The following NCAM1 variants were observed in gnomAD, a reference collection of about 807,000 sequenced individuals.
NCAM1 encodes antigen recognized by monoclonal antibody 5.1H11.
In NCAM1, 14 loss-of-function variants were observed where a neutral mutation model predicts 109.8. The ratio of observed to expected loss-of-function variants is 0.13; its 90% confidence interval spans 0.08 to 0.20. The LOEUF is 0.20. Among genes scored for constraint, NCAM1 ranks in the 10% least tolerant of loss-of-function variants. The pLI, the probability that NCAM1 is intolerant of heterozygous loss-of-function variation, is 1.00. For missense variants in NCAM1, 774 were observed against 1,109.9 expected (o/e 0.70, Z 4.30); for synonymous variants, 418 against 442.9 (o/e 0.94, Z 0.70).
At chr11:113,201,741 G>GACTA (rs1316497719) in intron 1 of NCAM1, among the ~76,000 whole-genome samples, 1 of 152,224 alleles carries the variant, frequency 6.6e-6, no homozygotes, top group Non-Finnish European at 1.5e-5. Flanking sequence ...AAGGGTGTCT[G>GACTA]ACTAATTGGG....
chr11:113,269,574 T>C (rs1946220197), intron 17 of NCAM1: 1 of 153,596 alleles, frequency 6.5e-6, no homozygotes, highest in South Asian at 2.0e-4. Flanking sequence ...GCTTCACTTG[T>C]CTTCCTGGGG....
intron 1 of NCAM1, among the ~76,000 whole-genome samples, chr11:113,105,492 C>A (rs1241780761): frequency 6.6e-6 from 1 of 152,096 alleles, no homozygotes; most frequent in Non-Finnish European, 1.5e-5. Flanking sequence ...CTCACAGTAG[C>A]TGAGAAATGG....
intron 1 of NCAM1, among the ~76,000 whole-genome samples, chr11:113,192,240 A>T (rs1402541976): frequency 1.3e-5 from 2 of 151,648 alleles, no homozygotes; most frequent in African/African-American, 4.8e-5. Flanking sequence ...GATAGTGTAC[A>T]GCCATTTACT....
intron 9 of NCAM1, among the ~76,000 whole-genome samples, chr11:113,226,202 GAC>G (rs1483426361): frequency 6.6e-6 from 1 of 152,122 alleles, no homozygotes; most frequent in African/African-American, 2.4e-5. Context: ...CACGTGCAGA[GAC>G]ACACAGGCTC....
intron 15 of NCAM1, among the ~76,000 whole-genome samples, chr11:113,254,152 C>T (rs1045818673): frequency 5.3e-5 from 8 of 152,088 alleles, no homozygotes; most frequent in Admixed American, 2.0e-4. Context: ...TGGGACAGTC[C>T]GAAGGAATTT....
intron 1 of NCAM1, among the ~76,000 whole-genome samples, chr11:113,009,666 T>G (rs73004616): frequency 0.14 from 20,710 of 152,082 alleles, 1,455 homozygotes; most frequent in African/African-American, 0.15. Context: ...ATCTCTAAAC[T>G]CCACTCACAG....
At chr11:113,077,262 G>C (rs781953770) in intron 1 of NCAM1, among the ~76,000 whole-genome samples, 1 of 152,170 alleles carries the variant, frequency 6.6e-6, no homozygotes, top group African/African-American at 2.4e-5. Context: ...AGTTTTCCAA[G>C]GGAGTCCGTC....
chr11:113,249,290 A>G (rs1457564325), intron 15 of NCAM1, among the ~76,000 whole-genome samples: 3 of 152,186 alleles, frequency 2.0e-5, no homozygotes, highest in Non-Finnish European at 2.9e-5. Flanking sequence ...GCAGGTCGAC[A>G]CAGACTTTTC....
At chr11:113,214,232 C>T (rs1355333865) in intron 7 of NCAM1, 137 bp from the exon 8 acceptor site, 4 of 805,734 alleles carry the variant, frequency 5.0e-6, no homozygotes, top group East Asian at 5.3e-5. Context: ...AGAGTCAGGT[C>T]TGCATCTCCT....
chr11:113,034,744 T>C (rs1036346291), intron 1 of NCAM1, among the ~76,000 whole-genome samples: 2 of 152,186 alleles, frequency 1.3e-5, no homozygotes, highest in Non-Finnish European at 1.5e-5. Flanking sequence ...AAATAGCTTG[T>C]GGTTTATAAA....
At chr11:113,271,968 A>G in intron 19 of NCAM1, 92 bp downstream of exon 19, 1 of 885,094 alleles carries the variant, frequency 1.1e-6, no homozygotes, top group Non-Finnish European at 1.6e-6. Flanking sequence ...CCCTACCCAC[A>G]GCTCCCGGCC....
Position 113,225,268 on chromosome 11 carries a change from G to A in NCAM1, c.1089+3943G>A, listed in dbSNP as rs556151322. 6.6e-5 allele frequency among the ~76,000 whole-genome samples: 10 copies of A among 152,306 alleles called. No homozygotes were observed. The South Asian group carries it at 8.3e-4, about 13-fold the overall frequency. On this transcript the variant is annotated intron_variant, in intron 9 of 19. Transcript: ENST00000316851. ...CTGATGGAGCTGAAAACCACGGCAC[G>A]AGAACTACATGATGAATGCACAAGC...
At chr11:113,185,038 A>G (rs1381001590) in intron 1 of NCAM1, among the ~76,000 whole-genome samples, 1 of 145,854 alleles carries the variant, frequency 6.9e-6, no homozygotes, top group Non-Finnish European at 1.5e-5. Flanking sequence ...TATATACATT[A>G]TATATATGTG....
intron 1 of NCAM1, among the ~76,000 whole-genome samples, chr11:113,011,644 TGAG>T (rs1172811870): frequency 3.9e-5 from 6 of 152,098 alleles, no homozygotes; most frequent in Admixed American, 3.3e-4. Context: ...TTTAAGCAGG[TGAG>T]GAGAAGGGTA....
intron 1 of NCAM1, among the ~76,000 whole-genome samples, chr11:113,089,753 T>C (rs1939256710): frequency 6.6e-6 from 1 of 152,168 alleles, no homozygotes; most frequent in South Asian, 2.1e-4. Context: ...GGAGGCATTT[T>C]GGAAAGGGAG....
chr11:113,195,455 CCACACACACACA>C (rs10642528), intron 1 of NCAM1, among the ~76,000 whole-genome samples: 2 of 141,492 alleles, frequency 1.4e-5, no homozygotes, highest in Non-Finnish European at 3.0e-5. Context: ...TAAATACACA[CCACACACACACA>C]CACACACACA....
At chr11:113,239,499 C>CTTTTTATT (rs1945264473) in intron 14 of NCAM1, among the ~76,000 whole-genome samples, 1 of 110,220 alleles carries the variant, frequency 9.1e-6, no homozygotes. Context: ...TGAGTCTCTA[C>CTTTTTATT]TTTTTTTTTT....
chr11:113,039,021 T>C (rs1422261393), intron 1 of NCAM1, among the ~76,000 whole-genome samples: 2 of 152,206 alleles, frequency 1.3e-5, no homozygotes, highest in Non-Finnish European at 2.9e-5. Flanking sequence ...TGTCTACTTA[T>C]ACGACATAGA....
At position 113,260,083 on chromosome 11, in the gene NCAM1, C is replaced by T. The variant is rs1022228246; in HGVS notation, c.1954-63C>T. On this transcript the variant is annotated intron_variant, in intron 16 of 19. Transcript: ENST00000316851. ...AAGTTTTGCCTATTGTCTGGTCTTA[C>T]CAGTACTTTTATCTAAAGCTTTTTT... The T allele has an allele frequency of 1.7e-5, 25 of 1,477,098 alleles. No homozygotes were observed. In the East Asian group the frequency reaches 3.9e-4, roughly 23 times the overall value. 91.5% of individuals were successfully genotyped at this position (1,477,098 alleles called of 1,614,324 possible).
Sources: gnomAD v4.1 joint callset for allele counts (sites outside exome capture counted in the v4.1 genomes callset) on GRCh38, gnomAD v4.1.1 for gene constraint, MANE v1.5 for transcripts, NCBI Gene and HGNC (gene_info 2026-07-23, HGNC 2026-07-21) for gene names.